Variants in PCSK6 observed in about 807,000 individuals in gnomAD.
The protein encoded by PCSK6 is proprotein convertase subtilisin/kexin type 6.
In PCSK6, 85 loss-of-function variants were observed where a neutral mutation model predicts 123.3. The ratio of observed to expected loss-of-function variants is 0.69; its 90% CI spans 0.58 to 0.83. The LOEUF (loss-of-function observed/expected upper bound fraction) is 0.83, where lower values mean the gene tolerates loss of function less well. PCSK6 is among the 40% of genes least tolerant of loss of function. PCSK6 has a pLI of 0.00. For missense variants in PCSK6, 1,191 were observed against 1,282.3 expected, an observed-to-expected ratio of 0.93 and a Z score of 1.09; for synonymous variants, 508 against 516.0, an observed-to-expected ratio of 0.98 and a Z score of 0.21.
At chr15:101,327,945 C>T (rs1169088837) in intron 15 of PCSK6, among the ~76,000 whole-genome samples, 2 of 152,144 alleles carry the variant, frequency 1.3e-5, no homozygotes, top group Non-Finnish European at 2.9e-5. Context: ...TGCCACTCAC[C>T]ATTTCTAAAA....
At chr15:101,322,306 G>A (rs138236452) in intron 18 of PCSK6, among the ~76,000 whole-genome samples, 29 of 152,270 alleles carry the variant, frequency 1.9e-4, no homozygotes, top group Admixed American at 1.1e-3. Context: ...TGCCCAATTC[G>A]CCCATGTTGT....
chr15:101,406,067 C>A (rs1286977748), intron 6 of PCSK6, among the ~76,000 whole-genome samples: 1 of 152,186 alleles, frequency 6.6e-6, no homozygotes, highest in African/African-American at 2.4e-5. Context: ...TATATCTCGA[C>A]TTTCCAAATA....
chr15:101,404,613 C>T (rs763013318), intron 6 of PCSK6, among the ~76,000 whole-genome samples: 8 of 152,280 alleles, frequency 5.3e-5, no homozygotes, highest in South Asian at 4.1e-4. Flanking sequence ...GGTGTAATCT[C>T]GCTTCCACAT....
At chr15:101,445,244 T>G (rs1050802615) in intron 1 of PCSK6, among the ~76,000 whole-genome samples, 12 of 152,214 alleles carry the variant, frequency 7.9e-5, no homozygotes, top group Non-Finnish European at 5.9e-5. Flanking sequence ...GGGTCTGGGA[T>G]GCTTTAGCTT....
intron 13 of PCSK6, among the ~76,000 whole-genome samples, chr15:101,359,557 G>A (rs949929342): frequency 2.6e-5 from 4 of 152,252 alleles, no homozygotes; most frequent in African/African-American, 9.6e-5. Context: ...TCAGGGCACA[G>A]CAGGACCGGA....
chr15:101,414,076 A>C (rs2055800245), intron 6 of PCSK6, among the ~76,000 whole-genome samples: 1 of 152,208 alleles, frequency 6.6e-6, no homozygotes, highest in Non-Finnish European at 1.5e-5. Flanking sequence ...CAGAGCAAAA[A>C]AATTCACCTG....
chr15:101,467,856 A>G (rs538328739), intron 1 of PCSK6, among the ~76,000 whole-genome samples: 41 of 152,304 alleles, frequency 2.7e-4, no homozygotes, highest in African/African-American at 9.4e-4. Flanking sequence ...GGAGATACGC[A>G]AGCCACGCGG....
intron 17 of PCSK6, 58 bp from the exon 18 acceptor site, chr15:101,322,665 C>G: frequency 1.8e-6 from 2 of 1,139,384 alleles, no homozygotes; most frequent in Non-Finnish European, 1.3e-6. Context: ...GGAATGAAAT[C>G]TGGGCAAGCA....
chr15:101,372,123 T>G (rs1334349427), intron 11 of PCSK6, among the ~76,000 whole-genome samples: 2 of 152,196 alleles, frequency 1.3e-5, no homozygotes, highest in Non-Finnish European at 2.9e-5. Context: ...TTAGGGTTCA[T>G]GCCTCTTTGA....
At chr15:101,457,259 C>G (rs943440663) in intron 1 of PCSK6, among the ~76,000 whole-genome samples, 3 of 152,114 alleles carry the variant, frequency 2.0e-5, no homozygotes, top group Non-Finnish European at 4.4e-5. Flanking sequence ...CAAGGACTAC[C>G]CAGATCTGAA....
At chr15:101,359,724 C>T (rs536935711) in intron 13 of PCSK6, among the ~76,000 whole-genome samples, 48 of 152,348 alleles carry the variant, frequency 3.2e-4, no homozygotes, top group African/African-American at 8.2e-4. Flanking sequence ...CATGCGGTTC[C>T]GTGCTGTGCA....
chr15:101,365,857 A>C (rs528978953), intron 13 of PCSK6: 6 of 191,408 alleles, frequency 3.1e-5, no homozygotes, highest in Middle Eastern at 3.6e-3. Flanking sequence ...CAGGAGAGGC[A>C]AATCCAAAGA....
At chr15:101,326,334 A>C in intron 16 of PCSK6, 43 bp downstream of exon 16, 1 of 1,476,108 alleles carries the variant, frequency 6.8e-7, no homozygotes, top group Non-Finnish European at 9.3e-7. Context: ...ACAACTGGAA[A>C]GTCACTGAGT....
At chr15:101,482,863 C>G (rs1287844327) in intron 1 of PCSK6, among the ~76,000 whole-genome samples, 1 of 152,232 alleles carries the variant, frequency 6.6e-6, no homozygotes, top group African/African-American at 2.4e-5. Context: ...ATGCTGCCTT[C>G]TGGAGCTTTT....
intron 8 of PCSK6, among the ~76,000 whole-genome samples, chr15:101,392,100 C>T (rs1290005001): frequency 3.9e-5 from 6 of 152,310 alleles, no homozygotes; most frequent in South Asian, 2.1e-4. Flanking sequence ...TTAGCAAATT[C>T]GAACCTGCAT....
intron 13 of PCSK6, among the ~76,000 whole-genome samples, chr15:101,351,109 GC>G (rs1405177537): frequency 6.6e-6 from 1 of 152,118 alleles, no homozygotes; most frequent in Non-Finnish European, 1.5e-5. Flanking sequence ...TCTCATGGTG[GC>G]TACTGGACCC....
rs180892106 is a variant in PCSK6, at chr15:101,347,978, T to C, written c.1859-15947A>G. Among the ~76,000 whole-genome samples the C allele has an allele frequency of 1.8e-3, 275 of 152,350 alleles. 3 individuals carry two copies. The highest frequency in any genetic ancestry group is 8.2e-4 in the Non-Finnish European group (56 of 68,028). ...GGGGAAGTCTTCCAAACAGGCCTTG[T>C]GAGACCAATGTGCCCTCAGACAGGA... On this transcript the variant is annotated intron_variant, in intron 13 of 21. Transcript: ENST00000611716.
Position 101,398,379 on chromosome 15 carries a change from C to T in PCSK6, c.996+25G>A. ...ACTGTCACCCTTGTCCCAGAGCGCT[C>T]CCCTGTAGCCCTGGTTACTCACACC... is the stretch of plus-strand genomic sequence containing the variant. On this transcript the variant is annotated intron_variant, in intron 7 of 21. Transcript: ENST00000611716. The surrounding 1 kb of genome is among the most constrained non-coding windows in gnomAD (Gnocchi z 4.6). 3 of 1,589,392 alleles carry T rather than the reference C, an allele frequency of 1.9e-6. No individual in the cohort carries two copies. Among genetic ancestry groups the T allele is most frequent in the Non-Finnish European group, 1.7e-6 (2 of 1,163,284 alleles).
chr15:101,336,266 T>C (rs887264738), intron 13 of PCSK6, among the ~76,000 whole-genome samples: 1 of 152,216 alleles, frequency 6.6e-6, no homozygotes, highest in Non-Finnish European at 1.5e-5. Context: ...AATGTCTACC[T>C]CACAGGGTTG....
Sources: gnomAD v4.1 joint callset for allele counts (sites outside exome capture counted in the v4.1 genomes callset) on GRCh38, gnomAD v4.1.1 for gene constraint, Gnocchi (gnomAD v3.1) non-coding constraint, MANE v1.5 for transcripts, NCBI Gene and HGNC (gene_info 2026-07-23, HGNC 2026-07-21) for gene names.